The following LRRN2 variants were observed in gnomAD, a reference collection of about 807,000 sequenced individuals.
LRRN2 encodes leucine rich repeat neuronal 2.
In LRRN2, 10 loss-of-function variants were observed where a neutral mutation model predicts 35.7. The ratio of observed to expected loss-of-function variants is 0.28; its 90% confidence interval spans 0.17 to 0.47. The LOEUF (loss-of-function observed/expected upper bound fraction) is 0.47. Among genes scored for constraint, LRRN2 ranks in the 20% least tolerant of loss-of-function variants. The probability of loss-of-function intolerance (pLI) is 0.99; values close to 1 mark genes in which losing one functional copy is unlikely to be tolerated. For synonymous variants in LRRN2, 391 were observed against 409.6 expected, an observed-to-expected ratio of 0.95 and a Z score of 0.55; for missense variants, 731 against 940.3, an observed-to-expected ratio of 0.78 and a Z score of 2.91.
rs919282132 is a variant in LRRN2, at chr1:204,684,743, G to T, written c.-227+577C>A. Among the ~76,000 whole-genome samples the T allele has an allele frequency of 2.0e-5, 3 of 151,950 alleles. No individual in the cohort carries two copies. In the East Asian group the frequency reaches 5.8e-4, roughly 29 times the overall value. ...CCCCAAAGGTCCCATCCCAGGCTGCGGTCGGACCCCAGCCAGCCGGCCCGG... is the reference window on the plus strand; with the variant it reads ...CCCCAAAGGTCCCATCCCAGGCTGCTGTCGGACCCCAGCCAGCCGGCCCGG... On this transcript the variant is annotated intron_variant, in intron 1 of 1. Coordinates refer to ENST00000367177, the MANE Select transcript of LRRN2 (RefSeq NM_201630.2).
chr1:204,640,738 G>A (rs1321488318), intron 1 of LRRN2, among the ~76,000 whole-genome samples: 1 of 152,068 alleles, frequency 6.6e-6, no homozygotes, highest in African/African-American at 2.4e-5. Flanking sequence ...TGTCCCACTG[G>A]CAGAGACTGA....
chr1:204,681,270 C>G (rs1668942983), intron 1 of LRRN2, among the ~76,000 whole-genome samples: 1 of 152,134 alleles, frequency 6.6e-6, no homozygotes, highest in Non-Finnish European at 1.5e-5. Context: ...TTTTTATCTG[C>G]TTATCCCTAT....
intron 1 of LRRN2, among the ~76,000 whole-genome samples, chr1:204,635,883 G>A (rs947619383): frequency 6.6e-6 from 1 of 152,214 alleles, no homozygotes; most frequent in Admixed American, 6.5e-5. Context: ...CTTCCAGGAC[G>A]AGCATCGCTG....
In LRRN2 at chr1:204,619,516, C is replaced by T; in HGVS notation, c.477G>A (p.Arg159=). The change falls in exon 2 of 2, where the codon AGG becomes AGA. Residue 159 remains arginine, a synonymous_variant. Coordinates refer to ENST00000367177, the MANE Select transcript of LRRN2 (RefSeq NM_201630.2). ...GCAAGTTGCTGAGGCCAGAAAAGGCCCTGGGGGCGATGCGGTAGAGCTGGT... is the reference window on the plus strand; with the variant it reads ...GCAAGTTGCTGAGGCCAGAAAAGGCTCTGGGGGCGATGCGGTAGAGCTGGT... The part of the protein sequence containing the change: ...NHNQLYRIAP[R]AFSGLSNLLR... 6.2e-7 allele frequency: 1 copy of T among 1,614,204 alleles called. No individual in the cohort carries two copies. The highest frequency in any genetic ancestry group is 8.5e-7 in the Non-Finnish European group (1 of 1,180,042).
At chr1:204,648,708 C>G (rs1010592333) in intron 1 of LRRN2, among the ~76,000 whole-genome samples, 1 of 152,222 alleles carries the variant, frequency 6.6e-6, no homozygotes, top group Non-Finnish European at 1.5e-5. Flanking sequence ...AGAACCAGGC[C>G]ATGAGCTAGG....
intron 1 of LRRN2, chr1:204,629,019 A>G (rs1235727864): frequency 1.3e-5 from 2 of 151,810 alleles, no homozygotes; most frequent in Non-Finnish European, 2.9e-5. Context: ...GAGCTTCTCC[A>G]CCTCTCTGCG....
intron 1 of LRRN2, among the ~76,000 whole-genome samples, chr1:204,648,313 G>C (rs1478767084): frequency 6.6e-6 from 1 of 152,188 alleles, no homozygotes; most frequent in Non-Finnish European, 1.5e-5. Context: ...CTCTCCCAAG[G>C]CTGCCCTCAC....
intron 1 of LRRN2, among the ~76,000 whole-genome samples, chr1:204,661,452 A>T (rs1161180310): frequency 6.6e-6 from 1 of 152,200 alleles, no homozygotes; most frequent in East Asian, 1.9e-4. Context: ...GAAAAGTCAC[A>T]CCAATGGTTT....
chr1:204,627,160 A>C (rs1204460520), intron 1 of LRRN2: 1 of 152,142 alleles, frequency 6.6e-6, no homozygotes, highest in Non-Finnish European at 1.5e-5. Flanking sequence ...TATGTTCCTC[A>C]TCCCATCCTT....
In LRRN2 at chr1:204,654,033, CAAAAAAA is replaced by C. The variant is rs56179230; in HGVS notation, c.-227+31280_-227+31286del. Among the ~76,000 whole-genome samples, 87 of 84,298 alleles carry C rather than the reference CAAAAAAA, an allele frequency of 1.0e-3. 2 individuals are homozygous for C. Among genetic ancestry groups the C allele is most frequent in the African/African-American group, 3.6e-3 (82 of 22,694 alleles). 55.3% of individuals were successfully genotyped at this position (84,298 alleles called of 152,430 possible). A position where few individuals can be genotyped will look rare whatever the true frequency, so the allele number is the denominator to read the frequency against. ...CTTTGGTGACAGTGTGAGACCCTGA[CAAAAAAA>C]AAAAAAAAAAAAAAGGATCTAGAGA... is the stretch of plus-strand genomic sequence containing the variant. On this transcript the variant is annotated intron_variant, in intron 1 of 1. Transcript: ENST00000367177.
intron 1 of LRRN2, among the ~76,000 whole-genome samples, chr1:204,645,843 A>T (rs1262288399): frequency 5.9e-5 from 9 of 152,130 alleles, no homozygotes; most frequent in Non-Finnish European, 1.3e-4. Context: ...GAGATTTATT[A>T]TCATGAGAAG....
In LRRN2 at chr1:204,619,123, C is replaced by T; in HGVS notation, c.870G>A (p.Leu290=). Reference sequence around the variant, plus strand: ...CCAGCTCCTCCATGTTGTTCAGTCCCAGCTCCTTAAGGTGCAGCATGTTGG... The same window carrying T: ...CCAGCTCCTCCATGTTGTTCAGTCCTAGCTCCTTAAGGTGCAGCATGTTGG... ...DFANMLHLKE[L]GLNNMEELVS... Residue 290 remains leucine, a synonymous_variant, in exon 2 of 2, where the codon CTG becomes CTA. Coordinates refer to ENST00000367177, the MANE Select transcript of LRRN2 (RefSeq NM_201630.2). 4 of 1,613,162 alleles carry T rather than the reference C, an allele frequency of 2.5e-6. No individual in the cohort carries two copies. Among genetic ancestry groups the T allele is most frequent in the Non-Finnish European group, 3.4e-6 (4 of 1,179,586 alleles).
At position 204,632,042 on chromosome 1, in the gene LRRN2, G is replaced by A. The variant is rs190071812; in HGVS notation, c.-226-11824C>T. Among the ~76,000 whole-genome samples the A allele has an allele frequency of 2.4e-3, 370 of 151,448 alleles. 2 individuals carry two copies. Among genetic ancestry groups the A allele is most frequent in the Middle Eastern group, 7.1e-3 (2 of 280 alleles). On this transcript the variant is annotated intron_variant, in intron 1 of 1. Transcript: ENST00000367177. ...TTGAGACCAGCCTGGCCAACACAGT[G>A]AAACCCTGTCTCTACCAAAAAACAA...
chr1:204,643,230 A>G (rs2102603127), intron 1 of LRRN2, among the ~76,000 whole-genome samples: 1 of 152,316 alleles, frequency 6.6e-6, no homozygotes, highest in Middle Eastern at 3.4e-3. Context: ...TATTTTATAA[A>G]TGTGTTCCCC....
intron 1 of LRRN2, among the ~76,000 whole-genome samples, chr1:204,637,102 T>C (rs758673750): frequency 2.0e-5 from 3 of 152,180 alleles, no homozygotes; most frequent in Non-Finnish European, 4.4e-5. Flanking sequence ...GGGTAGATGA[T>C]TGCTCACTGT....
At chr1:204,678,752 C>T (rs1331745734) in intron 1 of LRRN2, among the ~76,000 whole-genome samples, 1 of 152,166 alleles carries the variant, frequency 6.6e-6, no homozygotes, top group Non-Finnish European at 1.5e-5. Flanking sequence ...ATATCACCTT[C>T]TCAGTGAGGT....
intron 1 of LRRN2, among the ~76,000 whole-genome samples, chr1:204,639,509 G>C (rs969815318): frequency 2.8e-4 from 43 of 152,262 alleles, no homozygotes; most frequent in African/African-American, 9.4e-4. Context: ...TTGTGGTGGT[G>C]CACACTTGTA....
intron 1 of LRRN2, among the ~76,000 whole-genome samples, chr1:204,682,362 C>T (rs1020144048): frequency 6.6e-5 from 10 of 152,170 alleles, no homozygotes; most frequent in African/African-American, 2.4e-4. Context: ...AATCCTTATA[C>T]ATATTAATAG....
chr1:204,667,543 G>C (rs1265184465), intron 1 of LRRN2, among the ~76,000 whole-genome samples: 2 of 152,150 alleles, frequency 1.3e-5, no homozygotes, highest in Non-Finnish European at 2.9e-5. Flanking sequence ...CACTGGGAGT[G>C]CCCATATAAA....
Sources: gnomAD v4.1 joint callset for allele counts (sites outside exome capture counted in the v4.1 genomes callset) on GRCh38, gnomAD v4.1.1 for gene constraint, MANE v1.5 for transcripts, NCBI Gene and HGNC (gene_info 2026-07-23, HGNC 2026-07-21) for gene names.